The following EXOSC5 variants were observed in gnomAD, a reference collection of about 807,000 sequenced individuals.
The protein encoded by EXOSC5 is exosome component 5, also known as exosome complex component RRP46.
A neutral mutation model predicts 23.7 loss-of-function variants in EXOSC5; 15 were observed. The observed-to-expected ratio is 0.63, with a 90% CI of 0.42 to 0.97. The LOEUF (loss-of-function observed/expected upper bound fraction) is 0.97. EXOSC5 is among the 50% of genes least tolerant of loss of function. The pLI, the probability that EXOSC5 is intolerant of heterozygous loss-of-function variation, is 0.00. For missense variants in EXOSC5, 305 were observed against 316.3 expected (o/e 0.96, Z 0.27); for synonymous variants, 143 against 140.9 (o/e 1.02, Z -0.11).
intron 4 of EXOSC5, among the ~76,000 whole-genome samples, chr19:41,388,089 C>T (rs114305816): frequency 1.1e-3 from 168 of 152,328 alleles, no homozygotes; most frequent in African/African-American, 3.6e-3. Flanking sequence ...TTTTTGTCTA[C>T]GCTACCCCTT....
intron 4 of EXOSC5, among the ~76,000 whole-genome samples, chr19:41,389,020 A>ACTGTAAC (rs1214520150): frequency 6.6e-6 from 1 of 152,202 alleles, no homozygotes; most frequent in African/African-American, 2.4e-5. Context: ...ATCTCAGCTC[A>ACTGTAAC]CTGTAACCTC....
chr19:41,395,490 T>C (rs1268229316), intron 1 of EXOSC5, among the ~76,000 whole-genome samples: 1 of 152,186 alleles, frequency 6.6e-6, no homozygotes, highest in Non-Finnish European at 1.5e-5. Context: ...CCTGAACAGC[T>C]GCCTCTTCTT....
intron 4 of EXOSC5, among the ~76,000 whole-genome samples, chr19:41,388,739 G>T (rs1049571248): frequency 6.6e-6 from 1 of 152,150 alleles, no homozygotes; most frequent in Non-Finnish European, 1.5e-5. Context: ...AGAAAACTCA[G>T]AATAACTTGA....
Position 41,390,002 on chromosome 19 carries a change from G to A in EXOSC5, c.385-97C>T, listed in dbSNP as rs1007147558. 316 of 1,385,144 alleles carry A rather than the reference G, an allele frequency of 2.3e-4. 1 individual carries two copies. The highest frequency in any genetic ancestry group is 2.7e-4 in the Middle Eastern group (1 of 3,758). 85.8% of individuals were successfully genotyped at this position (1,385,144 alleles called of 1,614,324 possible). A position where few individuals can be genotyped will look rare whatever the true frequency, so the allele number is the denominator to read the frequency against. On this transcript the variant is annotated intron_variant, in intron 3 of 5. Transcript: ENST00000221233. ...GGCTGGAGTGCAATGGTGTGATCTC[G>A]GCTCACTGCAACCTCCACCTCCTGG...
rs377187174 is a variant in EXOSC5, at chr19:41,392,897, C to T, written c.232G>A (p.Val78Met). ...KEIFNKATLEVILRPKIGLPG... is the reference protein window; with the variant it reads ...KEIFNKATLEMILRPKIGLPG... ...AGCCCAATCTTCGGCCTCAGGATCA[C>T]TTCGAGTGTGGCCTTGTTGAAAATC... Residue 78 changes from valine (V) to methionine (M), a missense_variant, in exon 2 of 6, where the codon GTG becomes ATG. By Grantham distance (21) the Val-to-Met change is conservative. Transcript: ENST00000221233. 6.2e-7 allele frequency: 1 copy of T among 1,613,848 alleles called. No individual in the cohort carries two copies. Among genetic ancestry groups the T allele is most frequent in the Non-Finnish European group, 8.5e-7 (1 of 1,180,018 alleles).
In EXOSC5 at chr19:41,397,351, G is replaced by A. The variant is rs758611907; in HGVS notation, c.-23C>T. ...CATCGCGCCGAGCCCACGTGCGGCT[G>A]CAGTTGTCACTTCCGCCTGGCAGCG... is the stretch of plus-strand genomic sequence containing the variant. On this transcript the variant is annotated 5_prime_UTR_variant, in exon 1 of 6. Coordinates refer to ENST00000221233, the MANE Select transcript of EXOSC5 (RefSeq NM_020158.4). 6.3e-7 allele frequency: 1 copy of A among 1,596,068 alleles called. No individual in the cohort carries two copies. Among genetic ancestry groups the A allele is most frequent in the Non-Finnish European group, 8.6e-7 (1 of 1,166,838 alleles).
At position 41,389,274 on chromosome 19, in the gene EXOSC5, A is replaced by G. The variant is rs147930824; in HGVS notation, c.525+491T>C. Among the ~76,000 whole-genome samples, 69 of 145,370 alleles carry G rather than the reference A, an allele frequency of 4.7e-4. No homozygotes were observed. In the East Asian group the frequency reaches 0.014, roughly 29 times the overall value. ...CATTTCCTTTCTAGTTTATTTATTT[A>G]TATTTTTTGAGATGGAGTTTCACTC... On this transcript the variant is annotated intron_variant, in intron 4 of 5. Transcript: ENST00000221233.
intron 2 of EXOSC5, among the ~76,000 whole-genome samples, chr19:41,392,584 CA>C (rs944039875): frequency 1.6e-4 from 21 of 130,588 alleles, no homozygotes; most frequent in East Asian, 4.4e-4. Context: ...ACACTGTCTC[CA>C]AAAAAAAAAT....
intron 1 of EXOSC5, among the ~76,000 whole-genome samples, chr19:41,394,567 G>A (rs892337707): frequency 1.3e-5 from 2 of 151,766 alleles, no homozygotes; most frequent in Non-Finnish European, 2.9e-5. Flanking sequence ...CAGGAGGCTG[G>A]AGTGCAGTGG....
intron 2 of EXOSC5, 39 bp downstream of exon 2, chr19:41,392,828 A>C (rs746963292): frequency 6.2e-7 from 1 of 1,600,302 alleles, no homozygotes; most frequent in East Asian, 2.2e-5. Context: ...GATTTTGACA[A>C]ACTGGGCACC....
intron 1 of EXOSC5, 58 bp downstream of exon 1, chr19:41,397,123 C>G: frequency 2.6e-6 from 4 of 1,559,078 alleles, no homozygotes; most frequent in Non-Finnish European, 3.5e-6. Flanking sequence ...GGTGGGCACT[C>G]GGTTGCACAG....
rs147526684 is a variant in EXOSC5, at chr19:41,397,294, C to T, written c.35G>A (p.Arg12His). The T allele has an allele frequency of 2.3e-4, 376 of 1,613,790 alleles. No homozygotes were observed. Among genetic ancestry groups the T allele is most frequent in the Non-Finnish European group, 3.0e-4 (351 of 1,179,812 alleles). ...EEETHTDAKI[R>H]AENGTGSSPR... ...GCTGGACCCTGTTCCATTTTCAGCA[C>T]GGATTTTGGCGTCAGTATGCGTCTC... The change falls in exon 1 of 6, where the codon CGT (arginine) becomes CAT (histidine). Residue 12 changes from arginine to histidine, a missense_variant. By Grantham distance (29) the Arg-to-His change is conservative. Coordinates refer to ENST00000221233, the MANE Select transcript of EXOSC5 (RefSeq NM_020158.4).
chr19:41,388,266 C>G (rs2038999138), intron 4 of EXOSC5, among the ~76,000 whole-genome samples: 1 of 152,240 alleles, frequency 6.6e-6, no homozygotes, highest in African/African-American at 2.4e-5. Context: ...GCCTCCCAGT[C>G]CCCCTTCCAT....
chr19:41,397,055 C>A (rs529690051), intron 1 of EXOSC5, 126 bp downstream of exon 1: 5 of 1,104,146 alleles, frequency 4.5e-6, no homozygotes, highest in Admixed American at 2.2e-5. Flanking sequence ...AGTATTCAAT[C>A]GGACAAGAAA....
At chr19:41,393,127 ATT>A in intron 1 of EXOSC5, 147 bp from the exon 2 acceptor site, 1 of 628,772 alleles carries the variant, frequency 1.6e-6, no homozygotes, top group Non-Finnish European at 2.8e-6. Context: ...CATTTCTCTC[ATT>A]TGTAAAATGG....
chr19:41,394,689 T>A (rs149272156), intron 1 of EXOSC5, among the ~76,000 whole-genome samples: 222 of 152,234 alleles, frequency 1.5e-3, no homozygotes, highest in Middle Eastern at 6.8e-3. Flanking sequence ...GACTAATTTT[T>A]GTATTTTTAG....
rs1599938284 is a variant in EXOSC5 at position 41,387,578 on chromosome 19, G to A, written c.551C>T (p.Ala184Val). The change falls in exon 5 of 6, where the codon GCC becomes GTC. Residue 184 changes from alanine to valine, a missense_variant. Ala to Val is a moderately conservative substitution (Grantham distance 64). Coordinates refer to ENST00000221233, the MANE Select transcript of EXOSC5 (RefSeq NM_020158.4). ...EKEARAVLTFALDSVERKLLM... is the reference protein window; with the variant it reads ...EKEARAVLTFVLDSVERKLLM... ...CAGCTTCCGTTCCACGCTGTCCAGG[G>A]CAAAGGTCAGGACTGCCCGGGCCTC... The A allele has an allele frequency of 6.2e-7, 1 of 1,605,342 alleles. No individual in the cohort carries two copies.
Position 41,387,544 on chromosome 19 carries a change from G to C in EXOSC5, c.585C>G (p.Ser195=). 6.2e-7 allele frequency: 1 copy of C among 1,605,588 alleles called. No homozygotes were observed. ...LDSVERKLLM[S]STKGLYSDTE... ...TGTCTGAGTAGAGCCCCTTGGTGCTGGACATCAGCAGCTTCCGTTCCACGC... is the reference window on the plus strand; with the variant it reads ...TGTCTGAGTAGAGCCCCTTGGTGCTCGACATCAGCAGCTTCCGTTCCACGC... Residue 195 remains serine, a synonymous_variant, in exon 5 of 6, where the codon TCC becomes TCG. Transcript: ENST00000221233.
chr19:41,391,724 A>G (rs1354964329), intron 3 of EXOSC5, 117 bp downstream of exon 3: 2 of 1,349,914 alleles, frequency 1.5e-6, no homozygotes, highest in Non-Finnish European at 1.9e-6. Context: ...TTCTTCAGTG[A>G]GCTGGTACCT....
Sources: gnomAD v4.1 joint callset for allele counts (sites outside exome capture counted in the v4.1 genomes callset) on GRCh38, gnomAD v4.1.1 for gene constraint, MANE v1.5 for transcripts, NCBI Gene and HGNC (gene_info 2026-07-23, HGNC 2026-07-21) for gene names.